PDE3A: variants seen among roughly 807,000 people sequenced by gnomAD.
PDE3A encodes the protein cGMP-inhibited 3',5'-cyclic phosphodiesterase 3A.
PDE3A carries 43 observed loss-of-function variants against 98.3 expected under a neutral mutation model. That is an observed-to-expected ratio of 0.44 (90% CI 0.34 to 0.56). The LOEUF (loss-of-function observed/expected upper bound fraction) is 0.56. Among genes scored for constraint, PDE3A ranks in the 20% least tolerant of loss-of-function variants. The probability of loss-of-function intolerance (pLI) is 0.01; values close to 1 mark genes in which losing one functional copy is unlikely to be tolerated. For missense variants in PDE3A, 1,427 were observed against 1,440.7 expected (o/e 0.99, Z 0.15); for synonymous variants, 663 against 567.9 (o/e 1.17, Z -2.38).
chr12:20,658,136 G>T, intron 15 of PDE3A, among the ~76,000 whole-genome samples: 1 of 152,304 alleles, frequency 6.6e-6, no homozygotes, highest in Middle Eastern at 3.4e-3. Context: ...TAAAAAATCT[G>T]ATGTATTAAT....
intron 1 of PDE3A, among the ~76,000 whole-genome samples, chr12:20,407,000 C>T (rs1335669800): frequency 2.0e-5 from 3 of 151,986 alleles, no homozygotes; most frequent in East Asian, 1.9e-4. Flanking sequence ...ATTAGGTGAC[C>T]GCATGTGCAT....
chr12:20,656,924 T>C (rs1945056867), intron 15 of PDE3A, among the ~76,000 whole-genome samples: 1 of 152,216 alleles, frequency 6.6e-6, no homozygotes, highest in African/African-American at 2.4e-5. Flanking sequence ...CATTTCTTTC[T>C]GTTCTGTAGG....
At chr12:20,581,463 C>A (rs1943062247) in intron 2 of PDE3A, among the ~76,000 whole-genome samples, 1 of 152,082 alleles carries the variant, frequency 6.6e-6, no homozygotes, top group Non-Finnish European at 1.5e-5. Flanking sequence ...TCTACTACCA[C>A]CTCACCATTT....
intron 1 of PDE3A, among the ~76,000 whole-genome samples, chr12:20,400,511 A>G (rs565845277): frequency 1.4e-5 from 2 of 146,574 alleles, no homozygotes; most frequent in South Asian, 2.1e-4. Flanking sequence ...GGTTCACACC[A>G]TTCTCCTGCC....
At chr12:20,647,697 CA>C (rs1944811027) in intron 12 of PDE3A, among the ~76,000 whole-genome samples, 1 of 152,080 alleles carries the variant, frequency 6.6e-6, no homozygotes, top group Non-Finnish European at 1.5e-5. Context: ...CATTGCTGTT[CA>C]TTTCCACAGC....
intron 15 of PDE3A, among the ~76,000 whole-genome samples, chr12:20,677,823 G>A (rs115630155): frequency 0.06 from 9,157 of 151,360 alleles, 551 homozygotes; most frequent in Middle Eastern, 0.18. Flanking sequence ...CTTGGCTTTT[G>A]ATTTTGGGTG....
intron 2 of PDE3A, among the ~76,000 whole-genome samples, chr12:20,589,586 T>C (rs1018555140): frequency 2.6e-5 from 4 of 151,824 alleles, no homozygotes; most frequent in Non-Finnish European, 5.9e-5. Context: ...TTAGTTCACA[T>C]GGCCGGGCGC....
intron 2 of PDE3A, chr12:20,557,103 T>C (rs1447071117): frequency 1.1e-5 from 2 of 189,340 alleles, no homozygotes; most frequent in Admixed American, 6.2e-5. Context: ...GACTAAACTC[T>C]GAACTAATTA....
intron 1 of PDE3A, among the ~76,000 whole-genome samples, chr12:20,378,249 G>A (rs1282013821): frequency 6.6e-6 from 1 of 151,608 alleles, no homozygotes; most frequent in African/African-American, 2.4e-5. Context: ...ACTGATTTCA[G>A]ATGAAAAAGT....
Position 20,678,100 on chromosome 12 carries a change from C to T in PDE3A, c.3185-1930C>T, listed in dbSNP as rs80119397. 8.1e-4 allele frequency among the ~76,000 whole-genome samples: 123 copies of T among 152,234 alleles called. 1 individual carries two copies. The East Asian group carries it at 0.023, about 28-fold the overall frequency. On this transcript the variant is annotated intron_variant, in intron 15 of 15. Coordinates refer to ENST00000359062, the MANE Select transcript of PDE3A (RefSeq NM_000921.5). The stretch of plus-strand genomic sequence containing the variant: ...TGAAGCAATGCCATCACATGATTTC[C>T]AGGCAGCTCTCTGTATCAGTTTCAG...
chr12:20,527,579 A>T (rs1206088556), intron 1 of PDE3A, among the ~76,000 whole-genome samples: 1 of 152,008 alleles, frequency 6.6e-6, no homozygotes, highest in African/African-American at 2.4e-5. Flanking sequence ...TAGAGTTCTG[A>T]CTCTGACGTC....
intron 1 of PDE3A, among the ~76,000 whole-genome samples, chr12:20,477,934 C>T (rs564139634): frequency 5.9e-5 from 9 of 152,220 alleles, no homozygotes; most frequent in East Asian, 5.8e-4. Context: ...TAAGCCATTC[C>T]TTCCAGATCG....
chr12:20,405,963 A>G lies in PDE3A; in HGVS notation c.960+35719A>G, dbSNP rs539786975. ...TGAGTTCAACTTTCTTAGATTCCAC[A>G]TGTAAGTGAGATCATGTGGTATGGC... On this transcript the variant is annotated intron_variant, in intron 1 of 15. Coordinates refer to ENST00000359062, the MANE Select transcript of PDE3A (RefSeq NM_000921.5). Among the ~76,000 whole-genome samples the G allele has an allele frequency of 6.1e-4, 93 of 152,228 alleles. 1 individual carries two copies. The highest frequency in any genetic ancestry group is 2.2e-3 in the African/African-American group (91 of 41,542).
intron 4 of PDE3A, among the ~76,000 whole-genome samples, chr12:20,616,833 T>G (rs1171561551): frequency 1.3e-5 from 2 of 152,136 alleles, no homozygotes; most frequent in East Asian, 3.9e-4. Context: ...CAAAAGTAGA[T>G]CATCCTAAGA....
chr12:20,580,665 A>G (rs1479633126), intron 2 of PDE3A, among the ~76,000 whole-genome samples: 1 of 152,168 alleles, frequency 6.6e-6, no homozygotes, highest in Non-Finnish European at 1.5e-5. Context: ...TCTATTGATC[A>G]TGGGGCTAGG....
intron 4 of PDE3A, among the ~76,000 whole-genome samples, chr12:20,618,527 G>C: frequency 6.6e-6 from 1 of 151,944 alleles, no homozygotes; most frequent in East Asian, 1.9e-4. Context: ...ATACAGTCTG[G>C]TAGAAAGCAC....
chr12:20,444,957 G>A (rs1034435973), intron 1 of PDE3A, among the ~76,000 whole-genome samples: 15 of 152,264 alleles, frequency 9.9e-5, no homozygotes, highest in African/African-American at 3.4e-4. Context: ...GAGCCTACGC[G>A]GGATCAGTAA....
At chr12:20,406,544 C>T (rs1473886497) in intron 1 of PDE3A, among the ~76,000 whole-genome samples, 1 of 152,062 alleles carries the variant, frequency 6.6e-6, no homozygotes. Flanking sequence ...TAGTTCTTTG[C>T]CCATTAAATC....
intron 8 of PDE3A, among the ~76,000 whole-genome samples, chr12:20,636,174 C>A (rs924441547): frequency 6.6e-6 from 1 of 152,110 alleles, no homozygotes; most frequent in South Asian, 2.1e-4. Flanking sequence ...GCACTAGCCA[C>A]CTATTAAAAT....
Sources: gnomAD v4.1 joint callset for allele counts (sites outside exome capture counted in the v4.1 genomes callset) on GRCh38, gnomAD v4.1.1 for gene constraint, MANE v1.5 for transcripts, NCBI Gene and HGNC (gene_info 2026-07-23, HGNC 2026-07-21) for gene names.